Variants in RAF1 observed in about 807,000 individuals in gnomAD.
RAF1 encodes RAF proto-oncogene serine/threonine-protein kinase.
In RAF1, 27 loss-of-function variants were observed where a neutral mutation model predicts 81.1. The ratio of observed to expected loss-of-function variants is 0.33; its 90% CI spans 0.25 to 0.46. The LOEUF (loss-of-function observed/expected upper bound fraction) is 0.46. RAF1 is among the 20% of genes least tolerant of loss of function. RAF1 has a pLI of 1.00. For missense variants in RAF1, 598 were observed against 826.0 expected (o/e 0.72, Z 3.38); for synonymous variants, 298 against 294.0 (o/e 1.01, Z -0.14).
At chr3:12,645,485 T>C (rs1029661176) in intron 1 of RAF1, among the ~76,000 whole-genome samples, 2 of 152,210 alleles carry the variant, frequency 1.3e-5, no homozygotes, top group Non-Finnish European at 2.9e-5. Context: ...TCCATTATAA[T>C]ACACTGATTT....
At position 12,659,427 on chromosome 3, in the gene RAF1, C is replaced by CA. The variant is rs71063859; in HGVS notation, c.-27+4385dup. On this transcript the variant is annotated intron_variant, in intron 1 of 17. Coordinates refer to ENST00000442415, the MANE Select transcript of RAF1 (RefSeq NM_001354689.3). ...TGGGCAACAGCACCAGATTTCATCT[C>CA]AAAAAAAAAAAAAAAAAATTACACG... Among the ~76,000 whole-genome samples the CA allele has an allele frequency of 7.6e-3, 360 of 47,672 alleles. 25 individuals carry two copies. The highest frequency in any genetic ancestry group is 8.7e-3 in the Non-Finnish European group (250 of 28,686). The allele number at this position is 47,672 out of a possible 152,430, so 31.3% of individuals were successfully genotyped here. A position where few individuals can be genotyped will look rare whatever the true frequency, so the allele number is the denominator to read the frequency against.
rs886057920 is a variant in RAF1 at position 12,663,967 on chromosome 3, A to G, written c.-181T>C. The G allele has an allele frequency of 7.0e-5, 28 of 398,354 alleles. No individual in the cohort carries two copies. Among genetic ancestry groups the G allele is most frequent in the African/African-American group, 5.3e-4 (26 of 48,610 alleles). 24.7% of individuals were successfully genotyped at this position (398,354 alleles called of 1,614,324 possible). ...CCCGAGCAGCCCCCGCATCGTAGCA[A>G]ACGCGCTCCGCGCCTCAGGGCACGC... On this transcript the variant is annotated 5_prime_UTR_variant, in exon 1 of 18. Coordinates refer to ENST00000442415, the MANE Select transcript of RAF1 (RefSeq NM_001354689.3).
intron 1 of RAF1, among the ~76,000 whole-genome samples, chr3:12,656,037 T>C (rs954378387): frequency 1.3e-5 from 2 of 150,608 alleles, no homozygotes; most frequent in Non-Finnish European, 2.9e-5. Context: ...TAAATGTCAC[T>C]GGATTGTAGA....
intron 1 of RAF1, among the ~76,000 whole-genome samples, chr3:12,656,375 C>G (rs941425302): frequency 6.6e-6 from 1 of 152,048 alleles, no homozygotes; most frequent in Non-Finnish European, 1.5e-5. Context: ...AAGGAGCTAG[C>G]AGGCAGAACC....
At chr3:12,614,027 A>G (rs145746790) in intron 2 of RAF1, among the ~76,000 whole-genome samples, 58 of 152,292 alleles carry the variant, frequency 3.8e-4, no homozygotes, top group African/African-American at 1.3e-3. Context: ...CTCCTTAGCT[A>G]CCGATGGTTT....
chr3:12,587,807 G>A (rs1322554327), intron 13 of RAF1, among the ~76,000 whole-genome samples, 170 bp from the exon 13 acceptor site: 1 of 146,900 alleles, frequency 6.8e-6, no homozygotes, highest in Non-Finnish European at 1.5e-5. Flanking sequence ...CTTACCTGAA[G>A]GTGAGGCCAC....
chr3:12,630,901 T>C (rs2059840100), intron 1 of RAF1, among the ~76,000 whole-genome samples: 1 of 152,142 alleles, frequency 6.6e-6, no homozygotes. Context: ...CTTCCTGGGT[T>C]CAAGCGATTC....
At chr3:12,595,705 T>A (rs527958899) in intron 11 of RAF1, among the ~76,000 whole-genome samples, 1 of 152,218 alleles carries the variant, frequency 6.6e-6, no homozygotes, top group Non-Finnish European at 1.5e-5. Flanking sequence ...TCGCCCTCCA[T>A]GCAAATGCCA....
At chr3:12,591,921 T>TC in intron 11 of RAF1, 129 bp from the exon 11 acceptor site, 1 of 775,874 alleles carries the variant, frequency 1.3e-6, no homozygotes, top group Non-Finnish European at 2.2e-6. Flanking sequence ...ACGGCAAATT[T>TC]CCAATTTTTT....
At chr3:12,647,963 C>T (rs980420084) in intron 1 of RAF1, among the ~76,000 whole-genome samples, 1 of 152,178 alleles carries the variant, frequency 6.6e-6, no homozygotes, top group African/African-American at 2.4e-5. Context: ...AAGTTAAAAA[C>T]GAGCTAGTTC....
chr3:12,597,744 A>G (rs1370676216), intron 11 of RAF1, among the ~76,000 whole-genome samples: 1 of 151,838 alleles, frequency 6.6e-6, no homozygotes, highest in Non-Finnish European at 1.5e-5. Flanking sequence ...GCGAAACCCC[A>G]TCTCTACAAA....
At chr3:12,612,335 A>G (rs187844084) in intron 2 of RAF1, among the ~76,000 whole-genome samples, 41 of 152,290 alleles carry the variant, frequency 2.7e-4, no homozygotes, top group African/African-American at 9.9e-4. Context: ...ATCCTTCAGA[A>G]TAATAGAGTA....
intron 1 of RAF1, among the ~76,000 whole-genome samples, chr3:12,625,807 C>CA (rs2059685745): frequency 6.6e-6 from 1 of 152,140 alleles, no homozygotes; most frequent in Non-Finnish European, 1.5e-5. Flanking sequence ...TCCACCTGGG[C>CA]AACACAGTGA....
chr3:12,647,208 A>G (rs2060377207), intron 1 of RAF1, among the ~76,000 whole-genome samples: 1 of 151,866 alleles, frequency 6.6e-6, no homozygotes, highest in Non-Finnish European at 1.5e-5. Context: ...AGGCAGGAGA[A>G]TGGCGGGAAC....
chr3:12,585,275 A>G (rs1467730588), intron 15 of RAF1, 22 bp from the exon 15 acceptor site: 1 of 1,613,614 alleles, frequency 6.2e-7, no homozygotes, highest in Non-Finnish European at 8.5e-7. Flanking sequence ...ACCATATGAC[A>G]AAAGTGCATT....
chr3:12,594,854 T>C (rs1374129156), intron 11 of RAF1, among the ~76,000 whole-genome samples: 1 of 152,126 alleles, frequency 6.6e-6, no homozygotes, highest in Non-Finnish European at 1.5e-5. Context: ...CTTGCAGGGA[T>C]CCATCTGCCA....
intron 1 of RAF1, among the ~76,000 whole-genome samples, chr3:12,637,511 C>T (rs954448357): frequency 4.0e-5 from 6 of 151,776 alleles, no homozygotes; most frequent in Non-Finnish European, 8.8e-5. Flanking sequence ...GTGATCCACC[C>T]GCCTCCATCT....
chr3:12,658,722 T>C (rs2060778500), intron 1 of RAF1, among the ~76,000 whole-genome samples: 6 of 152,200 alleles, frequency 3.9e-5, no homozygotes. Flanking sequence ...AAACTAGCTT[T>C]AGGATTGTTA....
rs1371588524 is a variant in RAF1 at position 12,591,773 on chromosome 3, G to C, written c.1188C>G (p.Ile396Met). ...CTGGGGTTGGGTCGACAACCTTTAG[G>C]ATCTTTACTGCAACATCTCCTGCAA... The change falls in exon 12 of 18, where the codon ATC becomes ATG. Residue 396 changes from isoleucine (I) to methionine (M), a missense_variant. Ile to Met is a conservative substitution (Grantham distance 10, BLOSUM62 1). Transcript: ENST00000442415. 6.2e-7 allele frequency: 1 copy of C among 1,614,024 alleles called. No individual in the cohort carries two copies. Among genetic ancestry groups the C allele is most frequent in the Non-Finnish European group, 8.5e-7 (1 of 1,179,896 alleles).
Sources: allele counts gnomAD v4.1 joint callset (sites outside exome capture counted in the v4.1 genomes callset), GRCh38; gene constraint gnomAD v4.1.1; transcripts MANE v1.5; gene names NCBI Gene and HGNC (gene_info 2026-07-23, HGNC 2026-07-21).